Variants in FBXL17 observed in about 807,000 individuals in gnomAD.
FBXL17 encodes the protein F-box/LRR-repeat protein 17.
Under a neutral mutation model 66.2 loss-of-function variants are expected in FBXL17, and 22 were observed. That is an observed-to-expected ratio of 0.33 (90% CI 0.24 to 0.47). FBXL17 has a LOEUF of 0.47. FBXL17 is among the 20% of genes least tolerant of loss of function. The pLI is 1.00. For missense variants in FBXL17, 878 were observed against 948.2 expected (o/e 0.93, Z 0.97); for synonymous variants, 474 against 400.5 (o/e 1.18, Z -2.19).
intron 7 of FBXL17, among the ~76,000 whole-genome samples, chr5:107,974,551 A>C (rs1752509080): frequency 6.6e-6 from 1 of 152,296 alleles, no homozygotes; most frequent in South Asian, 2.1e-4. Flanking sequence ...TCTCCAAAGG[A>C]TCTAAATAAC....
intron 6 of FBXL17, among the ~76,000 whole-genome samples, chr5:108,041,915 T>C (rs1215073887): frequency 3.3e-5 from 5 of 152,208 alleles, no homozygotes; most frequent in African/African-American, 9.6e-5. Context: ...TTCAGGGGTT[T>C]TTCTGAGATG....
At chr5:108,200,226 T>C (rs1753835899) in intron 5 of FBXL17, among the ~76,000 whole-genome samples, 1 of 152,046 alleles carries the variant, frequency 6.6e-6, no homozygotes, top group Admixed American at 6.6e-5. Flanking sequence ...CCCTGTGGCA[T>C]TCCTGTCTCC....
At chr5:108,242,810 CATTATT>C (rs1185290962) in intron 4 of FBXL17, among the ~76,000 whole-genome samples, 3 of 151,644 alleles carry the variant, frequency 2.0e-5, no homozygotes, top group Non-Finnish European at 4.4e-5. Flanking sequence ...ACCATAATAC[CATTATT>C]ATATCTAAAA....
intron 1 of FBXL17, among the ~76,000 whole-genome samples, chr5:108,376,572 T>C (rs1045937059): frequency 1.3e-5 from 2 of 152,194 alleles, no homozygotes; most frequent in African/African-American, 4.8e-5. Context: ...CATATTCTCC[T>C]GTAATTATTT....
intron 4 of FBXL17, among the ~76,000 whole-genome samples, chr5:108,227,454 T>C (rs1247186227): frequency 6.6e-6 from 1 of 152,232 alleles, no homozygotes; most frequent in Admixed American, 6.5e-5. Context: ...TTCTCTATCA[T>C]ATGCTTAATT....
chr5:108,333,601 A>G lies in FBXL17; in HGVS notation c.1506+14798T>C, dbSNP rs1580835936. On this transcript the variant is annotated intron_variant, in intron 4 of 8. Transcript: ENST00000542267. ...GGTCAAATCTTTGCTCTTAATGTAA[A>G]GAAAAACAATATAACTGAAATTTTT... 2.0e-5 allele frequency among the ~76,000 whole-genome samples: 3 copies of G among 152,290 alleles called. 1 individual carries two copies. The East Asian group carries it at 5.8e-4, about 29-fold the overall frequency.
At chr5:107,968,596 A>T (rs1207801521) in intron 7 of FBXL17, among the ~76,000 whole-genome samples, 1 of 152,192 alleles carries the variant, frequency 6.6e-6, no homozygotes, top group Non-Finnish European at 1.5e-5. Flanking sequence ...AGTGAATGTG[A>T]TGAATCATTA....
chr5:108,075,119 A>G (rs1223127335), intron 6 of FBXL17, among the ~76,000 whole-genome samples: 1 of 152,184 alleles, frequency 6.6e-6, no homozygotes, highest in Admixed American at 6.5e-5. Flanking sequence ...ACATGTTTAC[A>G]TTATTAGGCC....
At chr5:108,320,286 T>A (rs1759556232) in intron 4 of FBXL17, among the ~76,000 whole-genome samples, 1 of 151,634 alleles carries the variant, frequency 6.6e-6, no homozygotes, top group African/African-American at 2.4e-5. Context: ...TATAAAAAAA[T>A]AAATTCTTAC....
intron 4 of FBXL17, among the ~76,000 whole-genome samples, chr5:108,250,244 A>G (rs986093172): frequency 6.6e-6 from 1 of 152,126 alleles, no homozygotes; most frequent in Non-Finnish European, 1.5e-5. Context: ...GTCTCTTGGC[A>G]TGCTTGTCAT....
intron 6 of FBXL17, among the ~76,000 whole-genome samples, chr5:108,165,204 G>A (rs184513062): frequency 1.3e-5 from 2 of 152,270 alleles, no homozygotes; most frequent in African/African-American, 2.4e-5. Context: ...AGAAATGGTG[G>A]TATAGTTCTA....
At chr5:108,073,058 A>G (rs954697880) in intron 6 of FBXL17, among the ~76,000 whole-genome samples, 1 of 152,224 alleles carries the variant, frequency 6.6e-6, no homozygotes, top group African/African-American at 2.4e-5. Flanking sequence ...GTCTAGTTAC[A>G]GAAGTCAGAA....
chr5:108,218,577 C>T (rs1265529614), intron 5 of FBXL17, among the ~76,000 whole-genome samples: 5 of 152,142 alleles, frequency 3.3e-5, no homozygotes, highest in African/African-American at 1.2e-4. Flanking sequence ...TTCCTACATC[C>T]TCACCAAAAC....
At chr5:108,305,256 G>A (rs986767042) in intron 4 of FBXL17, among the ~76,000 whole-genome samples, 3 of 151,980 alleles carry the variant, frequency 2.0e-5, no homozygotes, top group Non-Finnish European at 4.4e-5. Context: ...GCTGAATGAT[G>A]AGAACACACA....
At chr5:108,035,975 AT>A (rs1370706617) in intron 6 of FBXL17, among the ~76,000 whole-genome samples, 1 of 152,128 alleles carries the variant, frequency 6.6e-6, no homozygotes, top group Non-Finnish European at 1.5e-5. Context: ...CCAAAGTCTA[AT>A]TTTTTTCAGA....
intron 4 of FBXL17, among the ~76,000 whole-genome samples, chr5:108,341,348 T>G (rs1746869599): frequency 1.3e-5 from 2 of 152,090 alleles, no homozygotes; most frequent in African/African-American, 4.8e-5. Context: ...TTAAAATATT[T>G]TTTAAAGCAT....
intron 6 of FBXL17, among the ~76,000 whole-genome samples, chr5:108,031,705 T>C (rs1023813416): frequency 2.0e-5 from 3 of 152,190 alleles, no homozygotes; most frequent in African/African-American, 7.2e-5. Context: ...AGTATCATTG[T>C]ACATGGTTAG....
chr5:107,906,879 T>C (rs905644736), intron 7 of FBXL17, among the ~76,000 whole-genome samples: 7 of 152,322 alleles, frequency 4.6e-5, no homozygotes, highest in African/African-American at 1.7e-4. Flanking sequence ...TAGCTTATAA[T>C]ACTACTGTTA....
At chr5:108,258,821 C>T (rs1756689424) in intron 4 of FBXL17, among the ~76,000 whole-genome samples, 1 of 150,302 alleles carries the variant, frequency 6.7e-6, no homozygotes, top group Admixed American at 6.6e-5. Context: ...AGAGTATACC[C>T]AGGATATATT....
Sources: allele counts gnomAD v4.1 joint callset (sites outside exome capture counted in the v4.1 genomes callset), GRCh38; gene constraint gnomAD v4.1.1; transcripts MANE v1.5; gene names NCBI Gene and HGNC (gene_info 2026-07-23, HGNC 2026-07-21).